The following TMEM269 variants were observed in gnomAD, a reference collection of about 807,000 sequenced individuals.
The protein encoded by TMEM269 is transmembrane protein 269.
Under a neutral mutation model 15.8 loss-of-function variants are expected in TMEM269, and 12 were observed. The ratio of observed to expected loss-of-function variants is 0.76; its 90% confidence interval spans 0.49 to 1.23. The LOEUF is 1.23. Among genes scored for constraint, TMEM269 ranks in the 50% most tolerant of loss-of-function variants. The pLI, the probability that TMEM269 is intolerant of heterozygous loss-of-function variation, is 0.00. For synonymous variants in TMEM269, 93 were observed against 99.3 expected (o/e 0.94, Z 0.38); for missense variants, 211 against 245.4 (o/e 0.86, Z 0.94).
chr1:42,794,271 G>T, intron 4 of TMEM269, 142 bp from the exon 5 acceptor site: 3 of 651,512 alleles, frequency 4.6e-6, no homozygotes, highest in East Asian at 2.7e-5. Context: ...GTGAATAAAT[G>T]ATTTTCAGCC....
Position 42,798,404 on chromosome 1 carries a change from C to A in TMEM269, c.*179C>A, listed in dbSNP as rs1653825719. On this transcript the variant is annotated 3_prime_UTR_variant, in exon 6 of 6. Transcript: ENST00000637012. ...GGGTCAGTGAACTTCACTTCTTTGT[C>A]TTTATTCAGGGTTCTGACTCCCTTG... is the stretch of plus-strand genomic sequence containing the variant. 1.4e-6 allele frequency: 1 copy of A among 737,558 alleles called. No individual in the cohort carries two copies. The highest frequency in any genetic ancestry group is 2.1e-6 in the Non-Finnish European group (1 of 465,712). The allele number at this position is 737,558 out of a possible 1,614,324, so 45.7% of individuals were successfully genotyped here. A position where few individuals can be genotyped will look rare whatever the true frequency, so the allele number is the denominator to read the frequency against.
At chr1:42,793,503 G>A (rs1048610118) in intron 3 of TMEM269, 98 bp from the exon 4 acceptor site, 4 of 1,246,902 alleles carry the variant, frequency 3.2e-6, no homozygotes, top group African/African-American at 1.5e-5. Flanking sequence ...GTGACCTCAG[G>A]ACCCCTCTTA....
rs567371353 is a variant in TMEM269, at chr1:42,789,944, G to A, written c.41+10G>A. 223 of 1,546,114 alleles carry A rather than the reference G, an allele frequency of 1.4e-4. 1 individual carries two copies. The African/African-American group carries it at 2.9e-3, about 20-fold the overall frequency. ...TCTTCAGCTTCAGCAGGTAGGTCTG[G>A]GGCCCAGCAAGCTCTTAGCCAAGAG... On this transcript the variant is annotated intron_variant, in intron 2 of 5. Coordinates refer to ENST00000637012, the MANE Select transcript of TMEM269 (RefSeq NM_001354602.2).
chr1:42,793,884 C>G (rs1653747352), intron 4 of TMEM269, 140 bp downstream of exon 4: 6 of 1,044,286 alleles, frequency 5.7e-6, no homozygotes, highest in Non-Finnish European at 8.1e-6. Flanking sequence ...GCCCCATGCC[C>G]CATGCCCACT....
chr1:42,793,418 A>T (rs978544542), intron 3 of TMEM269, among the ~76,000 whole-genome samples, 183 bp from the exon 4 acceptor site: 2 of 152,226 alleles, frequency 1.3e-5, no homozygotes, highest in Admixed American at 6.5e-5. Flanking sequence ...GCCACCGGCC[A>T]GCGCAAGGCA....
At chr1:42,793,459 GA>G (rs759648494) in intron 3 of TMEM269, 141 bp from the exon 4 acceptor site, 9 of 841,130 alleles carry the variant, frequency 1.1e-5, no homozygotes, top group Non-Finnish European at 1.6e-5. Context: ...GCTTTGATCT[GA>G]AGACTGCCCC....
In TMEM269 at chr1:42,789,541, AG is replaced by A; in HGVS notation, c.-98-252del. The stretch of plus-strand genomic sequence containing the variant: ...CTGTGGGGCAAAGGTGCAGTCAGAG[AG>A]GGAGTGGAAACTATGCTTGTGTTGG... On this transcript the variant is annotated intron_variant, in intron 1 of 5. Coordinates refer to ENST00000637012, the MANE Select transcript of TMEM269 (RefSeq NM_001354602.2). 25 of 1,509,298 alleles carry A rather than the reference AG, an allele frequency of 1.7e-5. No individual in the cohort carries two copies. The South Asian group carries it at 3.0e-4, about 18-fold the overall frequency. The allele number at this position is 1,509,298 out of a possible 1,614,324, so 93.5% of individuals were successfully genotyped here.
intron 3 of TMEM269, among the ~76,000 whole-genome samples, chr1:42,793,375 G>A (rs1303530743): frequency 6.6e-6 from 1 of 152,196 alleles, no homozygotes; most frequent in Non-Finnish European, 1.5e-5. Context: ...GGGATGGGAA[G>A]ACTAAGATCT....
intron 1 of TMEM269, 95 bp from the exon 2 acceptor site, chr1:42,789,701 A>T: frequency 2.4e-6 from 2 of 838,736 alleles, no homozygotes; most frequent in Non-Finnish European, 3.9e-6. Context: ...GGAGGGTGCC[A>T]TTCTGGGATG....
rs905469576 is a variant in TMEM269, at chr1:42,800,307, T to C, written c.*2082T>C. ...CACCTCTCTGAGAGTATGGTTATAC[T>C]TCTATACGGGCTTGAGGGTCTCAGA... On this transcript the variant is annotated 3_prime_UTR_variant, in exon 6 of 6. Transcript: ENST00000637012. 11 of 152,192 alleles carry C rather than the reference T, an allele frequency of 7.2e-5. No homozygotes were observed. The highest frequency in any genetic ancestry group is 7.2e-4 in the Admixed American group (11 of 15,278). 9.4% of individuals were successfully genotyped at this position (152,192 alleles called of 1,614,324 possible). A position where few individuals can be genotyped will look rare whatever the true frequency, so the allele number is the denominator to read the frequency against.
rs1335857728 is a variant in TMEM269 at position 42,793,618 on chromosome 1, T to C, written c.157T>C (p.Phe53Leu). Residue 53 changes from phenylalanine (F) to leucine (L), a missense_variant, in exon 4 of 6, where the codon TTT (phenylalanine) becomes CTT (leucine). Phe to Leu is a conservative substitution (Grantham distance 22). Coordinates refer to ENST00000637012, the MANE Select transcript of TMEM269 (RefSeq NM_001354602.2). ...TGGGGCAGGAGCCGAGCTGAATGAC[T>C]TTGCCGTCTTCACCACCTTCGGCTT... Reference protein sequence around the residue: ...CSKLGAELNDFAVFTTFGLAS... With the variant: ...CSKLGAELNDLAVFTTFGLAS... The C allele has an allele frequency of 1.3e-6, 2 of 1,550,000 alleles. No homozygotes were observed. The highest frequency in any genetic ancestry group is 1.7e-6 in the Non-Finnish European group (2 of 1,146,766).
rs770212827 is a variant in TMEM269, at chr1:42,792,781, T to G, written c.42-24T>G. ...GAAACTGCGAAAGTGCTTCCCTGTT[T>G]GGGCTTGCTGGCCTGCACTTTAGGA... On this transcript the variant is annotated intron_variant, in intron 2 of 5. Coordinates refer to ENST00000637012, the MANE Select transcript of TMEM269 (RefSeq NM_001354602.2). The G allele has an allele frequency of 8.0e-6, 12 of 1,507,536 alleles. No homozygotes were observed. In the African/African-American group the frequency reaches 8.3e-5, roughly 10 times the overall value. 93.4% of individuals were successfully genotyped at this position (1,507,536 alleles called of 1,614,324 possible).
rs1016861435 is a variant in TMEM269, at chr1:42,788,576, G to A, written c.-98-1220G>A. On this transcript the variant is annotated intron_variant, in intron 1 of 5. Coordinates refer to ENST00000637012, the MANE Select transcript of TMEM269 (RefSeq NM_001354602.2). This position sits in a 1 kb window ranked among gnomAD's most constrained non-coding sequence, Gnocchi z 4.0. ...TGGGAGAGACTGGGAGAGACTGGGA[G>A]CACTGGGGGGCCTGGGCTGGACGGT... 1.9e-4 allele frequency among the ~76,000 whole-genome samples: 29 copies of A among 152,272 alleles called. No individual in the cohort carries two copies. Among genetic ancestry groups the A allele is most frequent in the African/African-American group, 7.0e-4 (29 of 41,558 alleles).
intron 4 of TMEM269, 92 bp from the exon 5 acceptor site, chr1:42,794,321 G>A (rs1254011515): frequency 1.1e-6 from 1 of 896,284 alleles, no homozygotes; most frequent in Non-Finnish European, 1.7e-6. Context: ...TGTATCCTGG[G>A]TAGGGGAATA....
intron 1 of TMEM269, among the ~76,000 whole-genome samples, chr1:42,787,200 C>T (rs985492877): frequency 5.5e-4 from 84 of 152,320 alleles, no homozygotes; most frequent in Non-Finnish European, 1.8e-4. Flanking sequence ...GGGGAAAGAA[C>T]ACTTAAGGCA....
At chr1:42,793,805 C>A in intron 4 of TMEM269, 61 bp downstream of exon 4, 1 of 1,501,116 alleles carries the variant, frequency 6.7e-7, no homozygotes, top group Non-Finnish European at 8.9e-7. Context: ...GGGGGGCTGT[C>A]GGGTGCCAGA....
intron 2 of TMEM269, among the ~76,000 whole-genome samples, chr1:42,791,086 A>G (rs1292761302): frequency 6.6e-6 from 1 of 152,174 alleles, no homozygotes; most frequent in African/African-American, 2.4e-5. Flanking sequence ...TAAAGCATCA[A>G]AATACATGAG....
At chr1:42,787,396 C>G (rs1272386354) in intron 1 of TMEM269, among the ~76,000 whole-genome samples, 1 of 150,950 alleles carries the variant, frequency 6.6e-6, no homozygotes, top group African/African-American at 2.4e-5. Flanking sequence ...GTCAGGAGAT[C>G]GAGACCATCC....
chr1:42,794,353 T>G, intron 4 of TMEM269, 60 bp from the exon 5 acceptor site: 1 of 1,338,432 alleles, frequency 7.5e-7, no homozygotes, highest in South Asian at 1.3e-5. Context: ...AGGGGCTTGC[T>G]TCATTTTGGT....
Sources: allele counts gnomAD v4.1 joint callset (sites outside exome capture counted in the v4.1 genomes callset), GRCh38; gene constraint gnomAD v4.1.1; non-coding constraint Gnocchi (gnomAD v3.1); transcripts MANE v1.5; gene names NCBI Gene and HGNC (gene_info 2026-07-23, HGNC 2026-07-21).